Variants in OR5A1 observed in about 807,000 individuals in gnomAD.
OR5A1 encodes olfactory receptor 5A1.
A neutral mutation model predicts 6.7 loss-of-function variants in OR5A1; 6 were observed. The observed-to-expected ratio is 0.89, with a 90% confidence interval of 0.49 to 1.76. The LOEUF is 1.76. Ranked by LOEUF, OR5A1 falls within the 40% of genes most tolerant of loss-of-function variation. The probability of loss-of-function intolerance (pLI) is 0.01; values close to 1 mark genes in which losing one functional copy is unlikely to be tolerated. For synonymous variants in OR5A1, 170 were observed against 155.0 expected (o/e 1.10, Z -0.72); for missense variants, 378 against 381.7 (o/e 0.99, Z 0.08).
chr11:59,437,708 C>T (rs1858435220), intron 1 of OR5A1, among the ~76,000 whole-genome samples: 1 of 152,140 alleles, frequency 6.6e-6, no homozygotes. Context: ...TTCCAGATAA[C>T]ATGCAGAAAT....
rs758844971 is a variant in OR5A1, at chr11:59,443,300, G to A, written c.132G>A (p.Trp44Ter). The A allele has an allele frequency of 1.2e-6, 2 of 1,613,728 alleles. No homozygotes were observed. Among genetic ancestry groups the A allele is most frequent in the Non-Finnish European group, 1.7e-6 (2 of 1,179,978 alleles). ...FLGIYLTTLA[W>*]NLALIFLIRG... ...GCATCTATCTTACCACCCTGGCCTG[G>A]AACCTGGCCCTCATTTTTCTGATCA... Residue 44 changes from tryptophan to a stop codon, truncating the protein, a stop_gained, in exon 2 of 2, where the codon TGG becomes TGA. Coordinates refer to ENST00000641045, the MANE Select transcript of OR5A1 (RefSeq NM_001004728.2). LOFTEE classifies it high-confidence loss of function.
rs1858599373 is a variant in OR5A1, at chr11:59,450,073, G to A, written c.*5957G>A. 1 of 152,168 alleles carries A rather than the reference G, an allele frequency of 6.6e-6. No homozygotes were observed. Among genetic ancestry groups the A allele is most frequent in the South Asian group, 2.1e-4 (1 of 4,828 alleles). The allele number at this position is 152,168 out of a possible 1,614,324, so 9.4% of individuals were successfully genotyped here. A position where few individuals can be genotyped will look rare whatever the true frequency, so the allele number is the denominator to read the frequency against. ...CCATTTCATGGAATAAGGTCCTGGG[G>A]TTCATAAAGGTTAACTTGCTCCGGG... On this transcript the variant is annotated 3_prime_UTR_variant, in exon 2 of 2. Transcript: ENST00000641045.
Position 59,446,616 on chromosome 11 carries a change from T to C in OR5A1, c.*2500T>C, listed in dbSNP as rs1858552642. On this transcript the variant is annotated 3_prime_UTR_variant, in exon 2 of 2. Coordinates refer to ENST00000641045, the MANE Select transcript of OR5A1 (RefSeq NM_001004728.2). Reference sequence around the variant, plus strand: ...GCTCCTATAAAATTCCTGTTTCTCCTCTTGAATAAATTAAACCTTGCAGCC... The same window carrying C: ...GCTCCTATAAAATTCCTGTTTCTCCCCTTGAATAAATTAAACCTTGCAGCC... The C allele has an allele frequency of 6.6e-6, 1 of 152,202 alleles. No homozygotes were observed. The highest frequency in any genetic ancestry group is 6.5e-5 in the Admixed American group (1 of 15,282). The allele number at this position is 152,202 out of a possible 1,614,324, so 9.4% of individuals were successfully genotyped here. A position where few individuals can be genotyped will look rare whatever the true frequency, so the allele number is the denominator to read the frequency against.
Position 59,447,437 on chromosome 11 carries a change from G to A in OR5A1, c.*3321G>A, listed in dbSNP as rs1001002572. ...CTAGTGTATGAAACTGCAACAATTA[G>A]GCCAGTAAAATTTTAGGAATGAAAA... On this transcript the variant is annotated 3_prime_UTR_variant, in exon 2 of 2. Coordinates refer to ENST00000641045, the MANE Select transcript of OR5A1 (RefSeq NM_001004728.2). 3.3e-5 allele frequency: 5 copies of A among 152,038 alleles called. No homozygotes were observed. Among genetic ancestry groups the A allele is most frequent in the Non-Finnish European group, 5.9e-5 (4 of 68,020 alleles). 9.4% of individuals were successfully genotyped at this position (152,038 alleles called of 1,614,324 possible).
At chr11:59,439,698 G>A (rs1358219813) in intron 1 of OR5A1, among the ~76,000 whole-genome samples, 1 of 152,038 alleles carries the variant, frequency 6.6e-6, no homozygotes, top group Non-Finnish European at 1.5e-5. Flanking sequence ...TCTGGGACTG[G>A]GAAATCTCAT....
intron 1 of OR5A1, among the ~76,000 whole-genome samples, chr11:59,440,925 C>T (rs1858475142): frequency 6.6e-6 from 1 of 152,118 alleles, no homozygotes; most frequent in African/African-American, 2.4e-5. Flanking sequence ...TTCACATTCT[C>T]CCATTATCCA....
In OR5A1 at chr11:59,448,307, T is replaced by C. The variant is rs548069128; in HGVS notation, c.*4191T>C. 6.6e-6 allele frequency: 1 copy of C among 152,090 alleles called. No homozygotes were observed. The highest frequency in any genetic ancestry group is 1.5e-5 in the Non-Finnish European group (1 of 68,014). 9.4% of individuals were successfully genotyped at this position (152,090 alleles called of 1,614,324 possible). A position where few individuals can be genotyped will look rare whatever the true frequency, so the allele number is the denominator to read the frequency against. Reference sequence around the variant, plus strand: ...AACTCCCCATACACATACTAAGATCTTTAAGGTTACTTCACTCTGATCCTC... The same window carrying C: ...AACTCCCCATACACATACTAAGATCCTTAAGGTTACTTCACTCTGATCCTC... On this transcript the variant is annotated 3_prime_UTR_variant, in exon 2 of 2. Transcript: ENST00000641045.
intron 1 of OR5A1, among the ~76,000 whole-genome samples, chr11:59,441,941 TAGATAGATA>T (rs1264684600): frequency 2.4e-5 from 1 of 41,422 alleles, no homozygotes; most frequent in Non-Finnish European, 4.8e-5. Context: ...AGAGAGATGA[TAGATAGATA>T]GATAGATAGA....
chr11:59,437,447 A>G (rs1026318), intron 1 of OR5A1, among the ~76,000 whole-genome samples: 139,595 of 152,194 alleles, frequency 0.92, 64,726 homozygotes, highest in Non-Finnish European at 0.99. Context: ...CTTTCAGGTT[A>G]ATTTATTTCA....
Position 59,443,663 on chromosome 11 carries a change from C to A in OR5A1, c.495C>A (p.Ser165=), listed in dbSNP as rs747945792. The A allele has an allele frequency of 5.6e-6, 9 of 1,614,122 alleles. No individual in the cohort carries two copies. Among genetic ancestry groups the A allele is most frequent in the Non-Finnish European group, 6.8e-6 (8 of 1,180,024 alleles). Residue 165 remains serine (S), a synonymous_variant, in exon 2 of 2, where the codon TCC becomes TCA. Transcript: ENST00000641045. ...TGAGCTCCCTGATCCAGGCCAGCTC[C>A]ATATTTAGGCTTCACTTTTGCGGAC... is the stretch of plus-strand genomic sequence containing the variant. ...GFLSSLIQAS[S]IFRLHFCGPN... is the part of the protein sequence containing the mutation.
rs187624147 is a variant in OR5A1, at chr11:59,443,162, G to A, written c.-7G>A. The A allele has an allele frequency of 1.3e-4, 216 of 1,609,122 alleles. No homozygotes were observed. The East Asian group carries it at 4.2e-3, about 31-fold the overall frequency. Reference sequence around the variant, plus strand: ...TCTGCATCTTGTCCTTGTGGTCCACGGGAAGCATGTCCATAACCAAAGCCT... The same window carrying A: ...TCTGCATCTTGTCCTTGTGGTCCACAGGAAGCATGTCCATAACCAAAGCCT... On this transcript the variant is annotated 5_prime_UTR_variant, in exon 2 of 2. Coordinates refer to ENST00000641045, the MANE Select transcript of OR5A1 (RefSeq NM_001004728.2).
chr11:59,443,428 ACTT>A lies in OR5A1; in HGVS notation c.266_268del (p.Phe89del), dbSNP rs1367795210. 10 of 1,613,794 alleles carry A rather than the reference ACTT, an allele frequency of 6.2e-6. No homozygotes were observed. Among genetic ancestry groups the A allele is most frequent in the Admixed American group, 1.7e-5 (1 of 60,018 alleles). On this transcript the variant is annotated inframe_deletion, in exon 2 of 2. Transcript: ENST00000641045. ...GCTGTGGCTCCCAATATGCTCACTG[ACTT>A]CTTCTGGGAGCAGAAGACCATATCA...
Position 59,443,580 on chromosome 11 carries a change from A to G in OR5A1, c.412A>G (p.Ile138Val), listed in dbSNP as rs769455556. The G allele has an allele frequency of 1.3e-5, 21 of 1,613,694 alleles. No homozygotes were observed. Among genetic ancestry groups the G allele is most frequent in the South Asian group, 9.9e-5 (9 of 91,072 alleles). Residue 138 changes from isoleucine (I) to valine (V), a missense_variant, in exon 2 of 2, where the codon ATC becomes GTC. Physicochemically the swap from Ile to Val is conservative, Grantham distance 29. Coordinates refer to ENST00000641045, the MANE Select transcript of OR5A1 (RefSeq NM_001004728.2). ...CTCCAGCCCCCTTCTCTACCCCACT[A>G]TCATGACCCAGGGCCTCTGTACACG... ...AISSPLLYPTIMTQGLCTRMV... is the reference protein window; with the variant it reads ...AISSPLLYPTVMTQGLCTRMV...
intron 1 of OR5A1, among the ~76,000 whole-genome samples, chr11:59,441,980 A>G (rs144748086): frequency 1.0e-4 from 15 of 150,698 alleles, no homozygotes; most frequent in African/African-American, 3.2e-4. Context: ...AGATAGATAG[A>G]TAGATAGATG....
rs1858595437 is a variant in OR5A1 at position 59,449,707 on chromosome 11, T to G, written c.*5591T>G. On this transcript the variant is annotated 3_prime_UTR_variant, in exon 2 of 2. Transcript: ENST00000641045. ...GTTTGCAGTATTCTCTCATATGCAT[T>G]AAGCCATTTAATTGACTTATACAGC... The G allele has an allele frequency of 6.6e-6, 1 of 152,228 alleles. No individual in the cohort carries two copies. The highest frequency in any genetic ancestry group is 1.5e-5 in the Non-Finnish European group (1 of 68,042). 9.4% of individuals were successfully genotyped at this position (152,228 alleles called of 1,614,324 possible). A position where few individuals can be genotyped will look rare whatever the true frequency, so the allele number is the denominator to read the frequency against.
rs142863997 is a variant in OR5A1, at chr11:59,443,678, C to G, written c.510C>G (p.His170Gln). 140 of 1,614,134 alleles carry G rather than the reference C, an allele frequency of 8.7e-5. No homozygotes were observed. In the African/African-American group the frequency reaches 1.5e-3, roughly 17 times the overall value. Residue 170 changes from histidine (H) to glutamine (Q), a missense_variant, in exon 2 of 2, where the codon CAC becomes CAG. Physicochemically the swap from His to Gln is conservative, Grantham distance 24. Coordinates refer to ENST00000641045, the MANE Select transcript of OR5A1 (RefSeq NM_001004728.2). Reference sequence around the variant, plus strand: ...AGGCCAGCTCCATATTTAGGCTTCACTTTTGCGGACCCAACATCATCAACC... The same window carrying G: ...AGGCCAGCTCCATATTTAGGCTTCAGTTTTGCGGACCCAACATCATCAACC... ...LIQASSIFRL[H>Q]FCGPNIINHF...
In OR5A1 at chr11:59,447,478, G is replaced by A. The variant is rs748908281; in HGVS notation, c.*3362G>A. 4 of 152,094 alleles carry A rather than the reference G, an allele frequency of 2.6e-5. No individual in the cohort carries two copies. Among genetic ancestry groups the A allele is most frequent in the Admixed American group, 6.5e-5 (1 of 15,270 alleles). The allele number at this position is 152,094 out of a possible 1,614,324, so 9.4% of individuals were successfully genotyped here. A position where few individuals can be genotyped will look rare whatever the true frequency, so the allele number is the denominator to read the frequency against. On this transcript the variant is annotated 3_prime_UTR_variant, in exon 2 of 2. Transcript: ENST00000641045. Reference sequence around the variant, plus strand: ...GGAATGAAAAGTTGACACTATATCTGTATATTAAGGGATACTTGCTTTACA... The same window carrying A: ...GGAATGAAAAGTTGACACTATATCTATATATTAAGGGATACTTGCTTTACA...
In OR5A1 at chr11:59,443,923, C is replaced by T. The variant is rs2134538063; in HGVS notation, c.755C>T (p.Thr252Ile). ...TGTGCCTCGCATCTGATGGTGGTGA[C>T]TCTGCTGTTTGGGACAGCCCTTTTC... is the stretch of plus-strand genomic sequence containing the variant. ...NTCASHLMVV[T>I]LLFGTALFVY... The change falls in exon 2 of 2, where the codon ACT becomes ATT. Residue 252 changes from threonine to isoleucine, a missense_variant. Physicochemically the swap from Thr to Ile is moderately conservative, Grantham distance 89. Transcript: ENST00000641045. The T allele has an allele frequency of 6.2e-7, 1 of 1,614,092 alleles. No homozygotes were observed. The highest frequency in any genetic ancestry group is 8.5e-7 in the Non-Finnish European group (1 of 1,180,008).
chr11:59,447,507 A>C lies in OR5A1; in HGVS notation c.*3391A>C, dbSNP rs561449147. 1 of 152,330 alleles carries C rather than the reference A, an allele frequency of 6.6e-6. No homozygotes were observed. Among genetic ancestry groups the C allele is most frequent in the South Asian group, 2.1e-4 (1 of 4,826 alleles). The allele number at this position is 152,330 out of a possible 1,614,324, so 9.4% of individuals were successfully genotyped here. On this transcript the variant is annotated 3_prime_UTR_variant, in exon 2 of 2. Coordinates refer to ENST00000641045, the MANE Select transcript of OR5A1 (RefSeq NM_001004728.2). Reference sequence around the variant, plus strand: ...ATTAAGGGATACTTGCTTTACAGAAATATCAGCAAATGAATCAAAAATTTA... The same window carrying C: ...ATTAAGGGATACTTGCTTTACAGAACTATCAGCAAATGAATCAAAAATTTA...
Sources: allele counts gnomAD v4.1 joint callset (sites outside exome capture counted in the v4.1 genomes callset), GRCh38; gene constraint gnomAD v4.1.1; transcripts MANE v1.5; gene names NCBI Gene and HGNC (gene_info 2026-07-23, HGNC 2026-07-21).